Variants in KIFC1 observed in about 807,000 individuals in gnomAD.
KIFC1 encodes the protein kinesin family member C1, also known as kinesin-like protein KIFC1.
KIFC1 carries 37 observed loss-of-function variants against 66.6 expected under a neutral mutation model. That is an observed-to-expected ratio of 0.56 (90% CI 0.43 to 0.73). The LOEUF (loss-of-function observed/expected upper bound fraction) is 0.73. Ranked by LOEUF, KIFC1 falls within the 30% of genes least tolerant of loss-of-function variation. The pLI, the probability that KIFC1 is intolerant of heterozygous loss-of-function variation, is 0.00. For missense variants in KIFC1, 721 were observed against 859.8 expected (o/e 0.84, Z 2.02); for synonymous variants, 325 against 343.5 (o/e 0.95, Z 0.60).
At chr6:33,409,541 G>A (rs902130375) in intron 10 of KIFC1, 105 bp from the exon 11 acceptor site, 10 of 1,148,602 alleles carry the variant, frequency 8.7e-6, no homozygotes, top group Admixed American at 5.1e-5. Context: ...GCCTTATTTC[G>A]GTATTTCTGA....
chr6:33,398,526 T>C, intron 3 of KIFC1, 139 bp downstream of exon 3: 2 of 678,186 alleles, frequency 2.9e-6, no homozygotes, highest in Non-Finnish European at 2.6e-6. Flanking sequence ...GTGCAGTGGC[T>C]CAATCTCACT....
rs1775675389 is a variant in KIFC1 at position 33,406,660 on chromosome 6, T to C, written c.1896T>C (p.Ala632=). 6.2e-7 allele frequency: 1 copy of C among 1,613,984 alleles called. No individual in the cohort carries two copies. The highest frequency in any genetic ancestry group is 8.5e-7 in the Non-Finnish European group (1 of 1,179,992). ...YLLQNSLGGS[A]KMLMFVNISP... ...TGCAGAACTCTCTGGGTGGTAGTGC[T>C]AAGATGTGAGTGAAAGGGACAGATG... Residue 632 remains alanine (A), a synonymous_variant, in exon 9 of 11, where the codon GCT becomes GCC. Transcript: ENST00000428849. The surrounding 1 kb of genome is among the most constrained non-coding windows in gnomAD (Gnocchi z 4.5).
chr6:33,393,834 C>T (rs1774907988), intron 1 of KIFC1, among the ~76,000 whole-genome samples: 1 of 151,192 alleles, frequency 6.6e-6, no homozygotes, highest in South Asian at 2.1e-4. Flanking sequence ...GCAACCTCCG[C>T]CTCCCGGGTT....
chr6:33,392,845 G>C (rs772103477), intron 1 of KIFC1, among the ~76,000 whole-genome samples: 4 of 152,308 alleles, frequency 2.6e-5, no homozygotes. Flanking sequence ...TATTAATCAA[G>C]TATTTATTGA....
chr6:33,399,757 T>C (rs918585176), intron 3 of KIFC1, among the ~76,000 whole-genome samples: 2 of 152,198 alleles, frequency 1.3e-5, no homozygotes, highest in Non-Finnish European at 2.9e-5. Flanking sequence ...AAATGGAGCA[T>C]GTTTGAATGG....
chr6:33,398,301 G>T lies in KIFC1; in HGVS notation c.164G>T (p.Gly55Val), dbSNP rs1210992445. ...GLEPEKKRTR[G>V]LGATTKITTS... Reference sequence around the variant, plus strand: ...ATCTTTCCCCAGAAACGGACAAGAGGCCTGGGTGCAACGACCAAAATTACC... The same window carrying T: ...ATCTTTCCCCAGAAACGGACAAGAGTCCTGGGTGCAACGACCAAAATTACC... Residue 55 changes from glycine to valine, a missense_variant, in exon 3 of 11, where the codon GGC (glycine) becomes GTC (valine). Transcript: ENST00000428849. 4 of 1,613,936 alleles carry T rather than the reference G, an allele frequency of 2.5e-6. No homozygotes were observed. The highest frequency in any genetic ancestry group is 3.4e-6 in the Non-Finnish European group (4 of 1,180,014).
At chr6:33,392,290 C>G (rs889393728) in intron 1 of KIFC1, among the ~76,000 whole-genome samples, 2 of 152,246 alleles carry the variant, frequency 1.3e-5, no homozygotes, top group Non-Finnish European at 2.9e-5. Context: ...TCAGGCTCGT[C>G]TGACACATTT....
At position 33,391,945 on chromosome 6, in the gene KIFC1, T is replaced by C. The variant is rs1417784344; in HGVS notation, c.-41T>C. The C allele has an allele frequency of 6.2e-7, 1 of 1,613,672 alleles. No homozygotes were observed. The highest frequency in any genetic ancestry group is 2.2e-5 in the East Asian group (1 of 44,860). On this transcript the variant is annotated 5_prime_UTR_variant, in exon 1 of 11. Transcript: ENST00000428849. ...CCAGGATCCCCGGCACCCAGTTCTC[T>C]TCCACTGCATTCCCCCGGCGCGTGT...
chr6:33,406,651 T>G lies in KIFC1; in HGVS notation c.1887T>G (p.Gly629=). The G allele has an allele frequency of 2.2e-5, 35 of 1,613,696 alleles. No homozygotes were observed. The highest frequency in any genetic ancestry group is 3.0e-5 in the Non-Finnish European group (35 of 1,179,926). Residue 629 remains glycine, a synonymous_variant, in exon 9 of 11, where the codon GGT becomes GGG. Coordinates refer to ENST00000428849, the MANE Select transcript of KIFC1 (RefSeq NM_002263.4). The surrounding 1 kb of genome is among the most constrained non-coding windows in gnomAD (Gnocchi z 4.5). ...KLTYLLQNSL[G]GSAKMLMFVN... ...CCTACCTGCTGCAGAACTCTCTGGG[T>G]GGTAGTGCTAAGATGTGAGTGAAAG...
intron 1 of KIFC1, among the ~76,000 whole-genome samples, chr6:33,396,662 T>A (rs1775056997): frequency 6.6e-6 from 1 of 151,402 alleles, no homozygotes; most frequent in Non-Finnish European, 1.5e-5. Context: ...CCCTTTCAAC[T>A]AGGTTCCATG....
chr6:33,392,082 G>T, intron 1 of KIFC1, 85 bp downstream of exon 1: 1 of 1,470,110 alleles, frequency 6.8e-7, no homozygotes. Flanking sequence ...CCGGCTCCCG[G>T]TCGGCCTTTG....
intron 1 of KIFC1, among the ~76,000 whole-genome samples, chr6:33,397,653 T>C (rs1033407765): frequency 1.4e-4 from 22 of 152,214 alleles, no homozygotes; most frequent in Non-Finnish European, 1.0e-4. Flanking sequence ...CCAAGCAGTC[T>C]TCAACACTCA....
At chr6:33,398,188 G>C in intron 2 of KIFC1, 22 bp downstream of exon 2, 1 of 1,614,144 alleles carries the variant, frequency 6.2e-7, no homozygotes, top group Non-Finnish European at 8.5e-7. Context: ...ATGGAGAGCT[G>C]TGCATGTGTG....
intron 10 of KIFC1, 51 bp from the exon 11 acceptor site, chr6:33,409,592 ATGT>A (rs1775818344): frequency 1.5e-5 from 23 of 1,549,522 alleles, no homozygotes; most frequent in Non-Finnish European, 2.0e-5. Context: ...CTTGGGAAAA[ATGT>A]TGTATTGGTT....
rs181143556 is a variant in KIFC1, at chr6:33,408,344, T to C, written c.1978-1302T>C. Among the ~76,000 whole-genome samples the C allele has an allele frequency of 7.9e-5, 12 of 152,308 alleles. No homozygotes were observed. The East Asian group carries it at 2.1e-3, about 27-fold the overall frequency. On this transcript the variant is annotated intron_variant, in intron 10 of 10. Coordinates refer to ENST00000428849, the MANE Select transcript of KIFC1 (RefSeq NM_002263.4). ...CTATTCTGGATTTTGGCTGGTTGCT[T>C]CCTCTTTCCCCCATACTTTCACTTA...
rs1383082403 is a variant in KIFC1 at position 33,406,012 on chromosome 6, C to G, written c.1537-184C>G. ...CTGTCAAAACTTGTGTTCCCCACCC[C>G]GCCTTTATACACTCCCTATTCTATG... On this transcript the variant is annotated intron_variant, in intron 7 of 10. Transcript: ENST00000428849. The surrounding 1 kb of genome is among the most constrained non-coding windows in gnomAD (Gnocchi z 4.5). Among the ~76,000 whole-genome samples the G allele has an allele frequency of 6.6e-6, 1 of 152,116 alleles. No individual in the cohort carries two copies. The highest frequency in any genetic ancestry group is 2.4e-5 in the African/African-American group (1 of 41,418).
chr6:33,408,369 A>T (rs546639775), intron 10 of KIFC1, among the ~76,000 whole-genome samples: 2 of 152,188 alleles, frequency 1.3e-5, no homozygotes, highest in East Asian at 3.9e-4. Flanking sequence ...ACTTTCACTT[A>T]TTTATCATAT....
chr6:33,402,590 CGTG>C (rs1190117486), intron 3 of KIFC1, among the ~76,000 whole-genome samples: 1 of 151,492 alleles, frequency 6.6e-6, no homozygotes, highest in Non-Finnish European at 1.5e-5. Context: ...ATTAGCCAGG[CGTG>C]GTGGCGCTTG....
At position 33,405,079 on chromosome 6, in the gene KIFC1, C is replaced by G. The variant is rs770584901; in HGVS notation, c.984C>G (p.Pro328=). ...RPVLPGEPTP[P]PGLLLFPSGP... ...TCCTGCCGGGGGAGCCCACTCCACC[C>G]CCTGGCCTCCTCCTGTTTCCCTCTG... The change falls in exon 7 of 11, where the codon CCC becomes CCG. Residue 328 remains proline (P), a synonymous_variant. Transcript: ENST00000428849. The surrounding 1 kb of genome is among the most constrained non-coding windows in gnomAD (Gnocchi z 5.4). 50 of 1,613,994 alleles carry G rather than the reference C, an allele frequency of 3.1e-5. No individual in the cohort carries two copies. Among genetic ancestry groups the G allele is most frequent in the Non-Finnish European group, 4.2e-5 (50 of 1,179,984 alleles).
Sources: gnomAD v4.1 joint callset for allele counts (sites outside exome capture counted in the v4.1 genomes callset) on GRCh38, gnomAD v4.1.1 for gene constraint, Gnocchi (gnomAD v3.1) non-coding constraint, MANE v1.5 for transcripts, NCBI Gene and HGNC (gene_info 2026-07-23, HGNC 2026-07-21) for gene names.